Variants in FBXO34 observed in about 807,000 individuals in gnomAD.
The protein encoded by FBXO34 is F-box only protein 34.
Under a neutral mutation model 24.5 loss-of-function variants are expected in FBXO34, and 12 were observed. That is an observed-to-expected ratio of 0.49 (90% CI 0.31 to 0.79). The LOEUF is 0.79. FBXO34 is among the 30% of genes least tolerant of loss of function. The pLI, the probability that FBXO34 is intolerant of heterozygous loss-of-function variation, is 0.04. For synonymous variants in FBXO34, 320 were observed against 311.9 expected, an observed-to-expected ratio of 1.03 and a Z score of -0.27; for missense variants, 823 against 857.7, an observed-to-expected ratio of 0.96 and a Z score of 0.51.
chr14:55,349,607 C>CTTTTTTTTTTTTTTTTTTTT (rs57284715), intron 1 of FBXO34, among the ~76,000 whole-genome samples: 1 of 116,636 alleles, frequency 8.6e-6, no homozygotes, highest in Non-Finnish European at 1.7e-5. Context: ...CAATAATTTT[C>CTTTTTTTTTTTTTTTTTTTT]TTTTTTTTTT....
chr14:55,368,257 G>C (rs1034744783), downstream of FBXO34: 2 of 152,170 alleles, frequency 1.3e-5, no homozygotes, highest in East Asian at 3.9e-4. Context: ...TTTCGCTCTT[G>C]TTGCCCAGGC....
chr14:55,364,071 C>T (rs957410531), downstream of FBXO34, among the ~76,000 whole-genome samples: 2 of 152,022 alleles, frequency 1.3e-5, no homozygotes, highest in Non-Finnish European at 2.9e-5. Flanking sequence ...CTGCCTCAGC[C>T]TCCCGAGTAG....
chr14:55,436,970 A>G, the FBXO34 span: 1 of 1,614,222 alleles, frequency 6.2e-7, no homozygotes, highest in Non-Finnish European at 8.5e-7. Flanking sequence ...TACATATCAT[A>G]AGGTACAACT....
chr14:55,331,577 C>G (rs1470580628), intron 1 of FBXO34, among the ~76,000 whole-genome samples: 2 of 132,130 alleles, frequency 1.5e-5, no homozygotes, highest in Non-Finnish European at 3.2e-5. Context: ...ACACACATAC[C>G]AACATGGTGT....
intron 1 of FBXO34, among the ~76,000 whole-genome samples, chr14:55,281,177 A>T (rs550421327): frequency 1.3e-5 from 2 of 149,798 alleles, no homozygotes; most frequent in African/African-American, 4.9e-5. Flanking sequence ...TCTCTTGAAC[A>T]CAGGAGTTTT....
the FBXO34 span, chr14:55,437,086 G>A: frequency 7.2e-7 from 1 of 1,395,086 alleles, no homozygotes; most frequent in East Asian, 2.3e-5. Flanking sequence ...CAAAAGGGAT[G>A]TCACTATGGC....
At chr14:55,362,804 ATACT>A (rs1884610261), downstream of FBXO34, among the ~76,000 whole-genome samples, 1 of 151,520 alleles carries the variant, frequency 6.6e-6, no homozygotes, top group Non-Finnish European at 1.5e-5. Context: ...TGAGAGCAAC[ATACT>A]TACACTCCAG....
the FBXO34 span, among the ~76,000 whole-genome samples, chr14:55,408,369 C>T: frequency 6.6e-6 from 1 of 152,110 alleles, no homozygotes; most frequent in African/African-American, 2.4e-5. Flanking sequence ...ACAGGAGAAT[C>T]GCTTGAGAAC....
chr14:55,377,776 A>G, the FBXO34 span: 100 of 1,410,236 alleles, frequency 7.1e-5, no homozygotes, highest in Non-Finnish European at 8.6e-5. Context: ...CTCTAACAGG[A>G]TTCACAAAAA....
At chr14:55,371,537 T>C (rs977881810), downstream of FBXO34, among the ~76,000 whole-genome samples, 1 of 152,292 alleles carries the variant, frequency 6.6e-6, no homozygotes, top group African/African-American at 2.4e-5. Flanking sequence ...CCGGGCGCGG[T>C]GGCTCACACC....
chr14:55,427,647 T>C, the FBXO34 span, among the ~76,000 whole-genome samples: 1 of 151,466 alleles, frequency 6.6e-6, no homozygotes, highest in Admixed American at 6.6e-5. Flanking sequence ...AGGGGTTTGG[T>C]GTCCATGAGT....
chr14:55,398,066 G>A, the FBXO34 span, among the ~76,000 whole-genome samples: 1 of 149,676 alleles, frequency 6.7e-6, no homozygotes, highest in Admixed American at 6.8e-5. Flanking sequence ...TCCCGCCTCA[G>A]CCTCCCAAGC....
intron 1 of FBXO34, among the ~76,000 whole-genome samples, chr14:55,323,223 A>AAAT (rs1883218806): frequency 5.4e-5 from 1 of 18,512 alleles, no homozygotes. Context: ...AAAAAAATAT[A>AAAT]TATTTTTTTT....
At chr14:55,371,285 A>G (rs1884811196), downstream of FBXO34, among the ~76,000 whole-genome samples, 1 of 152,224 alleles carries the variant, frequency 6.6e-6, no homozygotes, top group Non-Finnish European at 1.5e-5. Context: ...ACAATGATGA[A>G]TGGCTAGCAC....
chr14:55,403,790 C>T, the FBXO34 span, among the ~76,000 whole-genome samples: 1 of 152,010 alleles, frequency 6.6e-6, no homozygotes, highest in East Asian at 1.9e-4. Context: ...AATAGAGGCA[C>T]CTTTATGTGG....
chr14:55,405,293 G>A, the FBXO34 span, among the ~76,000 whole-genome samples: 1 of 152,194 alleles, frequency 6.6e-6, no homozygotes, highest in Non-Finnish European at 1.5e-5. Flanking sequence ...TGTTGGTTGT[G>A]CCTTCCCCTT....
the FBXO34 span, among the ~76,000 whole-genome samples, chr14:55,381,711 A>C: frequency 6.6e-6 from 1 of 152,232 alleles, no homozygotes; most frequent in Non-Finnish European, 1.5e-5. Flanking sequence ...ATCTATAGAC[A>C]CAGAAAGCAA....
the FBXO34 span, chr14:55,414,578 A>G: frequency 4.6e-6 from 3 of 651,132 alleles, no homozygotes; most frequent in Admixed American, 6.8e-5. Flanking sequence ...GCTGTACCTG[A>G]GAAATGGCAT....
At chr14:55,385,942 C>CTCATAATGA in the FBXO34 span, 1 of 1,614,190 alleles carries the variant, frequency 6.2e-7, no homozygotes, top group Non-Finnish European at 8.5e-7. Flanking sequence ...TTGCCAGACG[C>CTCATAATGA]TCATAATGAC....
Sources: allele counts gnomAD v4.1 joint callset (sites outside exome capture counted in the v4.1 genomes callset), GRCh38; gene constraint gnomAD v4.1.1; transcripts MANE v1.5; gene names NCBI Gene and HGNC (gene_info 2026-07-23, HGNC 2026-07-21).